MN1: variants seen among roughly 807,000 people sequenced by gnomAD.
The protein encoded by MN1 is MN1 proto-oncogene, transcriptional regulator.
In MN1, 19 loss-of-function variants were observed where a neutral mutation model predicts 86.9. The observed-to-expected ratio is 0.22, with a 90% CI of 0.15 to 0.32. MN1 has a LOEUF of 0.32. MN1 is among the 10% of genes least tolerant of loss of function. The pLI, the probability that MN1 is intolerant of heterozygous loss-of-function variation, is 1.00. For missense variants in MN1, 1,841 were observed against 1,862.0 expected (o/e 0.99, Z 0.21); for synonymous variants, 928 against 849.6 (o/e 1.09, Z -1.60).
chr22:27,751,193 AC>A (rs2123873369), intron 1 of MN1, 97 bp from the exon 2 acceptor site: 1 of 1,011,848 alleles, frequency 9.9e-7, no homozygotes, highest in South Asian at 1.9e-5. Flanking sequence ...CAAGACAGGC[AC>A]CGTCCACGCC....
chr22:27,783,308 T>G (rs968995275), intron 1 of MN1, among the ~76,000 whole-genome samples: 2 of 152,028 alleles, frequency 1.3e-5, no homozygotes, highest in Admixed American at 1.3e-4. Context: ...ATTTTTGTAT[T>G]TTTAGTAGAG....
chr22:27,753,411 T>C (rs1179890548), intron 1 of MN1, among the ~76,000 whole-genome samples: 3 of 152,168 alleles, frequency 2.0e-5, no homozygotes, highest in African/African-American at 7.2e-5. Context: ...ATGGGGATGA[T>C]GTCATCTCCC....
chr22:27,786,347 T>C (rs1368687710), intron 1 of MN1, among the ~76,000 whole-genome samples: 3 of 152,322 alleles, frequency 2.0e-5, no homozygotes, highest in Admixed American at 1.3e-4. Flanking sequence ...TTTTGCTTTG[T>C]TATTCCTTTT....
At chr22:27,763,562 A>T (rs1251230642) in intron 1 of MN1, among the ~76,000 whole-genome samples, 1 of 152,184 alleles carries the variant, frequency 6.6e-6, no homozygotes, top group African/African-American at 2.4e-5. Context: ...CTTGCAAAGA[A>T]GGGGATGAAT....
intron 1 of MN1, among the ~76,000 whole-genome samples, chr22:27,777,883 A>T (rs1264069704): frequency 6.6e-6 from 1 of 151,978 alleles, no homozygotes; most frequent in Non-Finnish European, 1.5e-5. Flanking sequence ...TCTCCAAAAA[A>T]AAAAAAGAAA....
At chr22:27,793,839 C>T (rs142756525) in intron 1 of MN1, among the ~76,000 whole-genome samples, 86 of 152,282 alleles carry the variant, frequency 5.6e-4, no homozygotes, top group East Asian at 4.2e-3. Flanking sequence ...AATCCGAGCA[C>T]GGATCATTTT....
rs1426383077 is a variant in MN1, at chr22:27,797,263, T to A, written c.3281A>T (p.His1094Leu). 1 of 1,586,958 alleles carries A rather than the reference T, an allele frequency of 6.3e-7. No individual in the cohort carries two copies. Among genetic ancestry groups the A allele is most frequent in the Non-Finnish European group, 8.5e-7 (1 of 1,173,538 alleles). The change falls in exon 1 of 2, where the codon CAC becomes CTC. Residue 1094 changes from histidine (H) to leucine (L), a missense_variant. Coordinates refer to ENST00000302326, the MANE Select transcript of MN1 (RefSeq NM_002430.3). ...GGCGGGCGGGGGCGCCTTCGGTCCGTGTTCCCCGGCGCCTACCCCACGGGG... is the reference window on the plus strand; with the variant it reads ...GGCGGGCGGGGGCGCCTTCGGTCCGAGTTCCCCGGCGCCTACCCCACGGGG... ...LPPRGVGAGE[H>L]GPKAPPPALG...
Position 27,749,422 on chromosome 22 carries a change from A to G in MN1, c.*1493T>C, listed in dbSNP as rs1022575648. The G allele has an allele frequency of 8.6e-6, 2 of 231,480 alleles. No individual in the cohort carries two copies. The highest frequency in any genetic ancestry group is 3.6e-4 in the South Asian group (2 of 5,510). The allele number at this position is 231,480 out of a possible 1,614,324, so 14.3% of individuals were successfully genotyped here. A position where few individuals can be genotyped will look rare whatever the true frequency, so the allele number is the denominator to read the frequency against. On this transcript the variant is annotated 3_prime_UTR_variant, in exon 2 of 2. Coordinates refer to ENST00000302326, the MANE Select transcript of MN1 (RefSeq NM_002430.3). ...AAATAGATAACCATCACGGTTATATATTTGGGTGAAGTGATATCAGTTACT... is the reference window on the plus strand; with the variant it reads ...AAATAGATAACCATCACGGTTATATGTTTGGGTGAAGTGATATCAGTTACT...
chr22:27,788,311 T>C (rs1343329932), intron 1 of MN1, among the ~76,000 whole-genome samples: 4 of 152,060 alleles, frequency 2.6e-5, no homozygotes, highest in Non-Finnish European at 5.9e-5. Context: ...ACCTACAGTG[T>C]CCACATCAGG....
Position 27,796,890 on chromosome 22 carries a change from C to A in MN1, c.3654G>T (p.Ser1218=), listed in dbSNP as rs749856561. Residue 1218 remains serine (S), a synonymous_variant, in exon 1 of 2, where the codon TCG becomes TCT. Transcript: ENST00000302326. ...KSAMSTIDLD[S]LMAEHSAAWY... ...AGGCAGCGCTGTGCTCTGCCATCAG[C>A]GAGTCCAGGTCAATGGTGCTCATGG... 3 of 1,613,092 alleles carry A rather than the reference C, an allele frequency of 1.9e-6. No individual in the cohort carries two copies. The highest frequency in any genetic ancestry group is 2.5e-6 in the Non-Finnish European group (3 of 1,179,998).
In MN1 at chr22:27,748,765, C is replaced by A. The variant is rs1932724602; in HGVS notation, c.*2150G>T. 4 of 223,292 alleles carry A rather than the reference C, an allele frequency of 1.8e-5. No homozygotes were observed. The highest frequency in any genetic ancestry group is 3.6e-5 in the Non-Finnish European group (4 of 111,676). 13.8% of individuals were successfully genotyped at this position (223,292 alleles called of 1,614,324 possible). A position where few individuals can be genotyped will look rare whatever the true frequency, so the allele number is the denominator to read the frequency against. ...CAGGGGTTTCTGAGGTTGCCAGGAC[C>A]ATGAGCTAATTGGCAAAGTGTTGAT... is the stretch of plus-strand genomic sequence containing the variant. On this transcript the variant is annotated 3_prime_UTR_variant, in exon 2 of 2. Coordinates refer to ENST00000302326, the MANE Select transcript of MN1 (RefSeq NM_002430.3).
chr22:27,784,201 G>C (rs1933090798), intron 1 of MN1, among the ~76,000 whole-genome samples: 1 of 152,180 alleles, frequency 6.6e-6, no homozygotes, highest in Non-Finnish European at 1.5e-5. Flanking sequence ...ATGCACCTAG[G>C]GGATCACAGG....
At chr22:27,780,038 C>T (rs1410156408) in intron 1 of MN1, among the ~76,000 whole-genome samples, 2 of 152,178 alleles carry the variant, frequency 1.3e-5, no homozygotes. Context: ...ACCTATGGCC[C>T]AGGGGCTCCA....
At chr22:27,774,668 T>C (rs1345790052) in intron 1 of MN1, among the ~76,000 whole-genome samples, 1 of 152,214 alleles carries the variant, frequency 6.6e-6, no homozygotes, top group Non-Finnish European at 1.5e-5. Context: ...TGCAGGTCAT[T>C]GCTGGTGAGT....
intron 1 of MN1, among the ~76,000 whole-genome samples, chr22:27,788,722 C>T (rs1023110564): frequency 3.3e-5 from 5 of 151,434 alleles, no homozygotes; most frequent in Admixed American, 6.6e-5. Flanking sequence ...CACGTGTGTA[C>T]GCATGTGCGC....
chr22:27,796,757 A>G lies in MN1; in HGVS notation c.3781+6T>C. On this transcript the variant is annotated splice_donor_region_variant and intron_variant, in intron 1 of 1. Coordinates refer to ENST00000302326, the MANE Select transcript of MN1 (RefSeq NM_002430.3). ...GGAAGTGAGAGGAAAACGAGTGTGC[A>G]TATACCTTCTTTGCTGTTGGGGTTC... The G allele has an allele frequency of 1.9e-6, 3 of 1,589,584 alleles. No individual in the cohort carries two copies. The South Asian group carries it at 3.3e-5, about 18-fold the overall frequency.
chr22:27,800,415 C>T lies in MN1; in HGVS notation c.129G>A (p.Gly43=), dbSNP rs369362515. ...TAGCAGGATCCACAGGGCCAGGGGGCCCCCCAGTGTGGAAAGCCGGGGCCT... is the reference window on the plus strand; with the variant it reads ...TAGCAGGATCCACAGGGCCAGGGGGTCCCCCAGTGTGGAAAGCCGGGGCCT... ...HFKAPAFHTG[G]PPGPVDPAMS... is the part of the protein sequence containing the mutation. The change falls in exon 1 of 2, where the codon GGG becomes GGA. Residue 43 remains glycine, a synonymous_variant. Coordinates refer to ENST00000302326, the MANE Select transcript of MN1 (RefSeq NM_002430.3). 4 of 1,613,928 alleles carry T rather than the reference C, an allele frequency of 2.5e-6. No homozygotes were observed. Among genetic ancestry groups the T allele is most frequent in the Non-Finnish European group, 1.7e-6 (2 of 1,179,922 alleles).
chr22:27,798,459 C>A lies in MN1; in HGVS notation c.2085G>T (p.Leu695=). The change falls in exon 1 of 2, where the codon CTG becomes CTT. Residue 695 remains leucine (L), a synonymous_variant. Coordinates refer to ENST00000302326, the MANE Select transcript of MN1 (RefSeq NM_002430.3). The stretch of plus-strand genomic sequence containing the variant: ...CCCCGAACTGCAGGCCCGGTGAAGG[C>A]AGCGCGGGCACGTGGCCCTCTCCGG... ...RMPGEGHVPA[L]PSPGLQFGGS... is the part of the protein sequence containing the mutation. 1 of 1,564,944 alleles carries A rather than the reference C, an allele frequency of 6.4e-7. No homozygotes were observed. Among genetic ancestry groups the A allele is most frequent in the South Asian group, 1.2e-5 (1 of 86,252 alleles).
chr22:27,799,458 CGGCGGCTGCTGCTGT>C lies in MN1; in HGVS notation c.1071_1085del (p.Gln358_Pro362del). On this transcript the variant is annotated inframe_deletion, in exon 1 of 2. Coordinates refer to ENST00000302326, the MANE Select transcript of MN1 (RefSeq NM_002430.3). Reference sequence around the variant, plus strand: ...GTCGGACTAGAAGCCCGGGTGGCGGCGGCGGCTGCTGCTGTGGCGGCTGCTGCGGGGGCTGCTGCT... The same window carrying C: ...GTCGGACTAGAAGCCCGGGTGGCGGCGGCGGCTGCTGCGGGGGCTGCTGCT... The C allele has an allele frequency of 4.8e-6, 7 of 1,452,946 alleles. No homozygotes were observed. The highest frequency in any genetic ancestry group is 4.5e-6 in the Non-Finnish European group (5 of 1,104,502). The allele number at this position is 1,452,946 out of a possible 1,614,324, so 90.0% of individuals were successfully genotyped here. A position where few individuals can be genotyped will look rare whatever the true frequency, so the allele number is the denominator to read the frequency against.
Sources: allele counts gnomAD v4.1 joint callset (sites outside exome capture counted in the v4.1 genomes callset), GRCh38; gene constraint gnomAD v4.1.1; transcripts MANE v1.5; gene names NCBI Gene and HGNC (gene_info 2026-07-23, HGNC 2026-07-21).